KLHL8: variants seen among roughly 807,000 people sequenced by gnomAD.
KLHL8 encodes the protein kelch-like protein 8.
In KLHL8, 38 loss-of-function variants were observed where a neutral mutation model predicts 63.5. That is an observed-to-expected ratio of 0.60 (90% CI 0.46 to 0.78). KLHL8 has a LOEUF of 0.78. KLHL8 is among the 30% of genes least tolerant of loss of function. The pLI, the probability that KLHL8 is intolerant of heterozygous loss-of-function variation, is 0.00. For synonymous variants in KLHL8, 224 were observed against 254.3 expected, an observed-to-expected ratio of 0.88 and a Z score of 1.13; for missense variants, 566 against 752.4, an observed-to-expected ratio of 0.75 and a Z score of 2.90.
At chr4:87,234,255 T>G (rs1305424676) in intron 1 of KLHL8, among the ~76,000 whole-genome samples, 1 of 152,048 alleles carries the variant, frequency 6.6e-6, no homozygotes, top group Non-Finnish European at 1.5e-5. Flanking sequence ...CTGACCAACA[T>G]GGTAAAACTG....
intron 2 of KLHL8, among the ~76,000 whole-genome samples, chr4:87,186,037 A>T (rs898274236): frequency 3.3e-5 from 5 of 151,330 alleles, no homozygotes; most frequent in South Asian, 2.1e-4. Flanking sequence ...CTTTAAAATT[A>T]AAAAAAAATT....
upstream of KLHL8, chr4:87,221,072 C>A (rs1033148139): frequency 6.6e-6 from 1 of 152,096 alleles, no homozygotes; most frequent in Non-Finnish European, 1.5e-5. Context: ...CCTAAGGAAG[C>A]AGTTGATTGA....
At chr4:87,205,938 A>C (rs1248158276) in intron 1 of KLHL8, among the ~76,000 whole-genome samples, 1 of 152,228 alleles carries the variant, frequency 6.6e-6, no homozygotes, top group Non-Finnish European at 1.5e-5. Flanking sequence ...AAAGCACTTT[A>C]GAAGTGAAAT....
intron 1 of KLHL8, among the ~76,000 whole-genome samples, chr4:87,234,269 C>G: frequency 6.6e-6 from 1 of 152,058 alleles, no homozygotes. Context: ...AAAACTGCAT[C>G]TCTACTAAAA....
chr4:87,184,105 T>C (rs1456431184), intron 3 of KLHL8, among the ~76,000 whole-genome samples: 4 of 152,226 alleles, frequency 2.6e-5, no homozygotes, highest in Non-Finnish European at 4.4e-5. Flanking sequence ...GCAGTCCCTG[T>C]ATCTATTGTT....
intron 1 of KLHL8, among the ~76,000 whole-genome samples, chr4:87,218,756 A>G (rs1732700008): frequency 6.6e-6 from 1 of 151,856 alleles, no homozygotes; most frequent in Non-Finnish European, 1.5e-5. Context: ...TTTTTTTGAG[A>G]TGGAGTCTCA....
upstream of KLHL8, among the ~76,000 whole-genome samples, chr4:87,224,340 C>A (rs1283575910): frequency 6.6e-6 from 1 of 152,150 alleles, no homozygotes; most frequent in Non-Finnish European, 1.5e-5. Context: ...GATATGGTGG[C>A]TCATTCCCTG....
intron 1 of KLHL8, among the ~76,000 whole-genome samples, chr4:87,234,587 T>C (rs1733195204): frequency 6.6e-6 from 1 of 152,214 alleles, no homozygotes; most frequent in African/African-American, 2.4e-5. Context: ...GCCAGTGGTA[T>C]AAAAGTATAG....
rs570719092 is a variant in KLHL8, at chr4:87,160,154, T to C, written c.*3365A>G. 6 of 152,306 alleles carry C rather than the reference T, an allele frequency of 3.9e-5. No individual in the cohort carries two copies. In the South Asian group the frequency reaches 1.2e-3, roughly 32 times the overall value. 9.4% of individuals were successfully genotyped at this position (152,306 alleles called of 1,614,324 possible). On this transcript the variant is annotated 3_prime_UTR_variant, in exon 10 of 10. Transcript: ENST00000273963. ...ATTTTAATTAAATAAATAGCACTGA[T>C]GTGACCCCAACTTTTTGATATCCAT...
At chr4:87,232,379 A>C (rs539176529) in intron 1 of KLHL8, among the ~76,000 whole-genome samples, 1 of 152,180 alleles carries the variant, frequency 6.6e-6, no homozygotes, top group African/African-American at 2.4e-5. Context: ...TTCATCTTTC[A>C]CTGCTACATA....
intron 1 of KLHL8, among the ~76,000 whole-genome samples, chr4:87,203,683 A>G (rs1440766518): frequency 6.7e-6 from 1 of 149,684 alleles, no homozygotes; most frequent in African/African-American, 2.4e-5. Context: ...TTTTTATGTT[A>G]TATATATAAC....
chr4:87,180,426 A>G (rs958439083), intron 4 of KLHL8, among the ~76,000 whole-genome samples: 7 of 152,230 alleles, frequency 4.6e-5, no homozygotes, highest in Non-Finnish European at 1.0e-4. Context: ...TACTTTCTCT[A>G]CAAAACCTTT....
At chr4:87,201,471 A>G (rs1429097702) in intron 1 of KLHL8, among the ~76,000 whole-genome samples, 2 of 152,266 alleles carry the variant, frequency 1.3e-5, no homozygotes, top group South Asian at 2.1e-4. Context: ...CTTCAGTTAT[A>G]GAACTAGTTA....
At chr4:87,196,987 A>G (rs1731721733) in intron 1 of KLHL8, among the ~76,000 whole-genome samples, 1 of 152,250 alleles carries the variant, frequency 6.6e-6, no homozygotes, top group South Asian at 2.1e-4. Context: ...GTTTCAGAAA[A>G]CTCTAAATAT....
intron 1 of KLHL8, among the ~76,000 whole-genome samples, chr4:87,203,914 A>G (rs1217777546): frequency 6.6e-6 from 1 of 152,202 alleles, no homozygotes; most frequent in Non-Finnish European, 1.5e-5. Context: ...AAAAATTTAC[A>G]TCCCAAATAT....
upstream of KLHL8, among the ~76,000 whole-genome samples, chr4:87,222,124 C>A (rs914819502): frequency 6.6e-6 from 1 of 152,122 alleles, no homozygotes; most frequent in Non-Finnish European, 1.5e-5. Flanking sequence ...AGAAACTAGA[C>A]CTGCCAAAGA....
chr4:87,168,698 G>GTA (rs964880290), intron 8 of KLHL8, among the ~76,000 whole-genome samples: 14 of 143,242 alleles, frequency 9.8e-5, no homozygotes, highest in East Asian at 4.1e-4. Flanking sequence ...ATATATATAC[G>GTA]TATATATATG....
At chr4:87,217,382 G>T (rs1732636242) in intron 1 of KLHL8, among the ~76,000 whole-genome samples, 1 of 152,016 alleles carries the variant, frequency 6.6e-6, no homozygotes, top group Non-Finnish European at 1.5e-5. Context: ...CACCCAGGCT[G>T]GAGTGCAGTG....
intron 1 of KLHL8, chr4:87,207,460 G>A: frequency 1.4e-6 from 1 of 735,360 alleles, no homozygotes. Context: ...TCCCCACTTT[G>A]TTGACGCCCC....
Sources: allele counts gnomAD v4.1 joint callset (sites outside exome capture counted in the v4.1 genomes callset), GRCh38; gene constraint gnomAD v4.1.1; transcripts MANE v1.5; gene names NCBI Gene and HGNC (gene_info 2026-07-23, HGNC 2026-07-21).